Variants in SIK2 observed in about 807,000 individuals in gnomAD.
SIK2 encodes serine/threonine-protein kinase SIK2.
In SIK2, 29 loss-of-function variants were observed where a neutral mutation model predicts 103.2. That is an observed-to-expected ratio of 0.28 (90% CI 0.21 to 0.38). SIK2 has a LOEUF of 0.38. SIK2 is among the 10% of genes least tolerant of loss of function. SIK2 has a pLI of 1.00. For synonymous variants in SIK2, 412 were observed against 446.1 expected, an observed-to-expected ratio of 0.92 and a Z score of 0.96; for missense variants, 879 against 1,171.0, an observed-to-expected ratio of 0.75 and a Z score of 3.64.
chr11:111,722,840 C>A lies in SIK2; in HGVS notation c.2147+84C>A. 7.9e-7 allele frequency: 1 copy of A among 1,267,272 alleles called. No homozygotes were observed. Among genetic ancestry groups the A allele is most frequent in the South Asian group, 1.3e-5 (1 of 77,864 alleles). 78.5% of individuals were successfully genotyped at this position (1,267,272 alleles called of 1,614,324 possible). A position where few individuals can be genotyped will look rare whatever the true frequency, so the allele number is the denominator to read the frequency against. On this transcript the variant is annotated intron_variant, in intron 14 of 14. Transcript: ENST00000304987. This position sits in a 1 kb window ranked among gnomAD's most constrained non-coding sequence, Gnocchi z 4.4. ...TGAATGTGTTGTCCTTTTCCTCTCA[C>A]ATTCGCCACTACTAGGAAAATAGGT...
intron 3 of SIK2, among the ~76,000 whole-genome samples, chr11:111,663,450 G>A (rs574180251): frequency 3.2e-4 from 49 of 152,234 alleles, no homozygotes; most frequent in African/African-American, 1.1e-3. Flanking sequence ...GCAGGGAGGC[G>A]TGGTGAGGCA....
chr11:111,706,937 G>A (rs1943364523), intron 8 of SIK2, among the ~76,000 whole-genome samples: 1 of 148,474 alleles, frequency 6.7e-6, no homozygotes, highest in Non-Finnish European at 1.5e-5. Context: ...TCCAGCCTGG[G>A]TGACAGAGCA....
At chr11:111,652,581 C>T (rs1942341316) in intron 3 of SIK2, among the ~76,000 whole-genome samples, 1 of 152,056 alleles carries the variant, frequency 6.6e-6, no homozygotes, top group Non-Finnish European at 1.5e-5. Flanking sequence ...AATATAAGTT[C>T]TTGAAGAAAC....
Position 111,701,649 on chromosome 11 carries a change from T to G in SIK2, c.727+74T>G, listed in dbSNP as rs111612627. The G allele has an allele frequency of 2.6e-6, 4 of 1,533,226 alleles. No homozygotes were observed. The highest frequency in any genetic ancestry group is 3.5e-6 in the Non-Finnish European group (4 of 1,136,136). The allele number at this position is 1,533,226 out of a possible 1,614,324, so 95.0% of individuals were successfully genotyped here. ...CAAGTGAAATGCCTAGGTAAAAGCT[T>G]CTTTTTTTCTAAGAGTTTGGGTGCC... On this transcript the variant is annotated intron_variant, in intron 6 of 14. Coordinates refer to ENST00000304987, the MANE Select transcript of SIK2 (RefSeq NM_015191.3). This position sits in a 1 kb window ranked among gnomAD's most constrained non-coding sequence, Gnocchi z 4.2.
chr11:111,719,135 A>G (rs918822618), intron 9 of SIK2, among the ~76,000 whole-genome samples: 4 of 152,202 alleles, frequency 2.6e-5, no homozygotes, highest in Non-Finnish European at 4.4e-5. Flanking sequence ...TTGTTATTCT[A>G]CAATGGGAGG....
intron 3 of SIK2, among the ~76,000 whole-genome samples, chr11:111,645,748 G>A (rs1166094797): frequency 2.0e-5 from 3 of 151,970 alleles, no homozygotes; most frequent in African/African-American, 4.8e-5. Flanking sequence ...CCAGGAGGCG[G>A]AGGTTGCAAT....
At chr11:111,609,067 TTTAA>T (rs1193945869) in intron 1 of SIK2, among the ~76,000 whole-genome samples, 6 of 152,278 alleles carry the variant, frequency 3.9e-5, no homozygotes, top group African/African-American at 1.4e-4. Context: ...TTTGCATTTC[TTTAA>T]TTACTTTGTA....
At chr11:111,612,412 A>C (rs1053926804) in intron 1 of SIK2, among the ~76,000 whole-genome samples, 1 of 152,188 alleles carries the variant, frequency 6.6e-6, no homozygotes, top group Admixed American at 6.5e-5. Context: ...ATTGTTAAGA[A>C]ATTACTTGGA....
Position 111,706,216 on chromosome 11 carries a change from T to C in SIK2, c.1101+1077T>C, listed in dbSNP as rs531593079. 3.9e-5 allele frequency among the ~76,000 whole-genome samples: 6 copies of C among 152,370 alleles called. No homozygotes were observed. The East Asian group carries it at 1.2e-3, about 29-fold the overall frequency. Reference sequence around the variant, plus strand: ...TGTGAAATACTATATGCCTGGCACATAGTAAGTGCTATGTAAGTACTTGTT... The same window carrying C: ...TGTGAAATACTATATGCCTGGCACACAGTAAGTGCTATGTAAGTACTTGTT... On this transcript the variant is annotated intron_variant, in intron 8 of 14. Transcript: ENST00000304987.
chr11:111,721,997 T>C, intron 13 of SIK2, 57 bp downstream of exon 13: 33 of 1,374,336 alleles, frequency 2.4e-5, no homozygotes, highest in Non-Finnish European at 3.1e-5. Context: ...TCTGTTCTTC[T>C]GCAAAGCAGA....
rs9804676 is a variant in SIK2, at chr11:111,675,480, A to T, written c.317-12521A>T. On this transcript the variant is annotated intron_variant, in intron 3 of 14. Transcript: ENST00000304987. Reference sequence around the variant, plus strand: ...GTGAGCAGATAGTTTTGGTTTTTGCAGCTGGCCCTTCCCTTTCACTGTTTT... The same window carrying T: ...GTGAGCAGATAGTTTTGGTTTTTGCTGCTGGCCCTTCCCTTTCACTGTTTT... Among the ~76,000 whole-genome samples the T allele has an allele frequency of 2.9e-3, 445 of 152,340 alleles. 1 individual carries two copies. The highest frequency in any genetic ancestry group is 0.01 in the African/African-American group (428 of 41,584).
At chr11:111,694,919 A>G (rs1943034444) in intron 4 of SIK2, among the ~76,000 whole-genome samples, 2 of 152,208 alleles carry the variant, frequency 1.3e-5, no homozygotes, top group Non-Finnish European at 2.9e-5. Context: ...ATTGGTCAGC[A>G]GGATCACATT....
At chr11:111,692,974 A>T (rs1325143087) in intron 4 of SIK2, among the ~76,000 whole-genome samples, 3 of 152,180 alleles carry the variant, frequency 2.0e-5, no homozygotes, top group African/African-American at 7.2e-5. Flanking sequence ...AACATGGTTC[A>T]TTTTAATAAA....
rs145630684 is a variant in SIK2 at position 111,721,869 on chromosome 11, C to T, written c.1984C>T (p.Pro662Ser). 11 of 1,612,854 alleles carry T rather than the reference C, an allele frequency of 6.8e-6. No homozygotes were observed. In the African/African-American group the frequency reaches 1.5e-4, roughly 22 times the overall value. Reference sequence around the variant, plus strand: ...GCAGCAGGAAAGCGTCTCCACTCTCCCTGCCAGCGTGCATCCCCAGCTGTC... The same window carrying T: ...GCAGCAGGAAAGCGTCTCCACTCTCTCTGCCAGCGTGCATCCCCAGCTGTC... ...SQQQESVSTL[P>S]ASVHPQLSPR... Residue 662 changes from proline to serine, a missense_variant, in exon 13 of 15, where the codon CCT becomes TCT. Physicochemically the swap from Pro to Ser is moderately conservative, Grantham distance 74. This residue lies in a region of SIK2 where 375 missense variants were observed against 416.3 expected (regional missense o/e 0.90). Coordinates refer to ENST00000304987, the MANE Select transcript of SIK2 (RefSeq NM_015191.3).
intron 3 of SIK2, among the ~76,000 whole-genome samples, chr11:111,633,728 A>G (rs1440808811): frequency 6.6e-6 from 1 of 152,204 alleles, no homozygotes; most frequent in Non-Finnish European, 1.5e-5. Context: ...TATAATGGTA[A>G]ATAAGAACAT....
chr11:111,624,863 C>T (rs922163703), intron 3 of SIK2, among the ~76,000 whole-genome samples: 2 of 152,040 alleles, frequency 1.3e-5, no homozygotes, highest in Non-Finnish European at 2.9e-5. Flanking sequence ...ATAGAGTGGT[C>T]AGAGAAGGCC....
intron 3 of SIK2, among the ~76,000 whole-genome samples, chr11:111,682,214 T>TC (rs1942786791): frequency 6.6e-6 from 1 of 152,192 alleles, no homozygotes; most frequent in South Asian, 2.1e-4. Flanking sequence ...TAAGCCTGAA[T>TC]CTATTCAGTC....
chr11:111,668,215 CGCAT>C (rs1459661094), intron 3 of SIK2, among the ~76,000 whole-genome samples: 4 of 150,714 alleles, frequency 2.7e-5, no homozygotes, highest in Non-Finnish European at 5.9e-5. Context: ...TTTGTGCACA[CGCAT>C]GCATGTCCAT....
intron 10 of SIK2, 113 bp from the exon 11 acceptor site, chr11:111,720,365 T>G: frequency 8.8e-7 from 1 of 1,130,102 alleles, no homozygotes; most frequent in South Asian, 1.6e-5. Flanking sequence ...GATGTTTTGA[T>G]TGGAAATTAA....
Sources: allele counts gnomAD v4.1 joint callset (sites outside exome capture counted in the v4.1 genomes callset), GRCh38; gene constraint gnomAD v4.1.1; regional missense constraint gnomAD v4.1.1; non-coding constraint Gnocchi (gnomAD v3.1); transcripts MANE v1.5; gene names NCBI Gene and HGNC (gene_info 2026-07-23, HGNC 2026-07-21).